Variants in LRCH4 observed in about 807,000 individuals in gnomAD.
The protein encoded by LRCH4 is leucine-rich repeat and calponin homology domain-containing protein 4.
Under a neutral mutation model 81.2 loss-of-function variants are expected in LRCH4, and 56 were observed. The ratio of observed to expected loss-of-function variants is 0.69; its 90% CI spans 0.56 to 0.86. LRCH4 has a LOEUF of 0.86. LRCH4 is among the 40% of genes least tolerant of loss of function. The probability of loss-of-function intolerance (pLI) is 0.00; values close to 1 mark genes in which losing one functional copy is unlikely to be tolerated. For synonymous variants in LRCH4, 442 were observed against 409.7 expected (o/e 1.08, Z -0.95); for missense variants, 895 against 922.8 (o/e 0.97, Z 0.39).
rs546759581 is a variant in LRCH4, at chr7:100,582,844, C to T, written c.221-385G>A. 3.3e-5 allele frequency among the ~76,000 whole-genome samples: 5 copies of T among 152,180 alleles called. No individual in the cohort carries two copies. The highest frequency in any genetic ancestry group is 2.1e-4 in the South Asian group (1 of 4,828). ...CAGTGCTCATGGGAAAACAGTAAGG[C>T]GAGGGGCTGGGGGGCTCCCGGAGGG... On this transcript the variant is annotated intron_variant, in intron 1 of 17. Coordinates refer to ENST00000310300, the MANE Select transcript of LRCH4 (RefSeq NM_002319.5). This position sits in a 1 kb window ranked among gnomAD's most constrained non-coding sequence, Gnocchi z 5.0.
Position 100,574,203 on chromosome 7 carries a change from T to C in LRCH4, c.*904A>G. The C allele has an allele frequency of 5.8e-6, 1 of 171,138 alleles. No individual in the cohort carries two copies. Among genetic ancestry groups the C allele is most frequent in the South Asian group, 9.0e-5 (1 of 11,112 alleles). 10.6% of individuals were successfully genotyped at this position (171,138 alleles called of 1,614,324 possible). A position where few individuals can be genotyped will look rare whatever the true frequency, so the allele number is the denominator to read the frequency against. On this transcript the variant is annotated 3_prime_UTR_variant, in exon 18 of 18. Coordinates refer to ENST00000310300, the MANE Select transcript of LRCH4 (RefSeq NM_002319.5). The stretch of plus-strand genomic sequence containing the variant: ...GAGCGCGGAGCCCAGGCGCGTCTTC[T>C]GCTCCCGGGGTCCCGGGCGGGGTGG...
Position 100,586,109 on chromosome 7 carries a change from G to C in LRCH4, c.-9C>G. 2 of 1,512,584 alleles carry C rather than the reference G, an allele frequency of 1.3e-6. No homozygotes were observed. Among genetic ancestry groups the C allele is most frequent in the Non-Finnish European group, 1.8e-6 (2 of 1,126,062 alleles). 93.7% of individuals were successfully genotyped at this position (1,512,584 alleles called of 1,614,324 possible). A position where few individuals can be genotyped will look rare whatever the true frequency, so the allele number is the denominator to read the frequency against. ...GCTACGGCCGCCGCCATCCGCTCCC[G>C]GCGGCTCCCGCTGCCTGACTGACGG... On this transcript the variant is annotated 5_prime_UTR_variant, in exon 1 of 18. Transcript: ENST00000310300.
intron 1 of LRCH4, chr7:100,584,989 C>G (rs539570723): frequency 2.8e-6 from 1 of 354,486 alleles, no homozygotes; most frequent in East Asian, 7.6e-5. Flanking sequence ...TCACCTGTCA[C>G]AGTTAAGTCC....
Position 100,575,995 on chromosome 7 carries a change from C to T in LRCH4, c.1652G>A (p.Arg551Gln), listed in dbSNP as rs751406236. The T allele has an allele frequency of 1.1e-5, 17 of 1,604,890 alleles. No homozygotes were observed. The highest frequency in any genetic ancestry group is 1.7e-4 in the Middle Eastern group (1 of 6,026). ...GTCCTCAGGCAGGGGCCGCTGCAGC[C>T]GGGACTCAAGGACCTGGCAGTGTAG... ...MTQLRQVLES[R>Q]LQRPLPEDLA... is the part of the protein sequence containing the mutation. Residue 551 changes from arginine (R) to glutamine (Q), a missense_variant, in exon 16 of 18, where the codon CGG becomes CAG. This residue lies in a region of LRCH4 where 529 missense variants were observed against 504.9 expected (regional missense o/e 1.05). Coordinates refer to ENST00000310300, the MANE Select transcript of LRCH4 (RefSeq NM_002319.5). The surrounding 1 kb of genome is among the most constrained non-coding windows in gnomAD (Gnocchi z 5.3).
chr7:100,584,221 T>C (rs1196571706), intron 1 of LRCH4: 1 of 456,416 alleles, frequency 2.2e-6, no homozygotes, highest in African/African-American at 2.0e-5. Context: ...CTGTATGTTT[T>C]TGTCACTTCC....
chr7:100,575,190 A>AG lies in LRCH4; in HGVS notation c.1968dup (p.Ser657LeufsTer45). 5 of 1,613,088 alleles carry AG rather than the reference A, an allele frequency of 3.1e-6. No individual in the cohort carries two copies. The highest frequency in any genetic ancestry group is 1.7e-4 in the Middle Eastern group (1 of 6,022). ...AAGACGACGAAGCCGCCCAGACCAG[A>AG]GGGGGGCCAGAGGGGCGGTAGGGCC... is the stretch of plus-strand genomic sequence containing the variant. On this transcript the variant is annotated frameshift_variant, in exon 18 of 18. Coordinates refer to ENST00000310300, the MANE Select transcript of LRCH4 (RefSeq NM_002319.5). LOFTEE classifies it high-confidence loss of function. The surrounding 1 kb of genome is among the most constrained non-coding windows in gnomAD (Gnocchi z 5.3).
chr7:100,577,641 G>A lies in LRCH4; in HGVS notation c.1116+23C>T, dbSNP rs768588293. 5.6e-6 allele frequency: 9 copies of A among 1,613,150 alleles called. No homozygotes were observed. Among genetic ancestry groups the A allele is most frequent in the Non-Finnish European group, 6.8e-6 (8 of 1,179,946 alleles). On this transcript the variant is annotated intron_variant, in intron 9 of 17. Coordinates refer to ENST00000310300, the MANE Select transcript of LRCH4 (RefSeq NM_002319.5). This position sits in a 1 kb window ranked among gnomAD's most constrained non-coding sequence, Gnocchi z 6.7. ...CCCTCCTCCAGCTCCCCTCCCTTGG[G>A]AGAGGCATAGCTGGGCTCTCACCTC...
At chr7:100,576,481 C>T in intron 14 of LRCH4, 158 bp from the exon 15 acceptor site, 1 of 672,846 alleles carries the variant, frequency 1.5e-6, no homozygotes, top group Non-Finnish European at 2.6e-6. Context: ...CCAGGCTGGT[C>T]TTGAATTCCT....
At chr7:100,585,801 G>A in intron 1 of LRCH4, 80 bp downstream of exon 1, 2 of 1,403,372 alleles carry the variant, frequency 1.4e-6, no homozygotes, top group East Asian at 5.4e-5. Context: ...GGGCGGGCCC[G>A]ACTCCCGGGC....
In LRCH4 at chr7:100,582,072, T is replaced by C. The variant is rs376458621; in HGVS notation, c.461A>G (p.Asp154Gly). The C allele has an allele frequency of 2.7e-5, 44 of 1,611,190 alleles. No individual in the cohort carries two copies. Among genetic ancestry groups the C allele is most frequent in the Non-Finnish European group, 3.7e-5 (44 of 1,179,434 alleles). Residue 154 changes from aspartate (D) to glycine (G), a missense_variant, in exon 3 of 18, where the codon GAC (aspartate) becomes GGC (glycine). Physicochemically the swap from Asp to Gly is moderately conservative, Grantham distance 94. Coordinates refer to ENST00000310300, the MANE Select transcript of LRCH4 (RefSeq NM_002319.5). This position sits in a 1 kb window ranked among gnomAD's most constrained non-coding sequence, Gnocchi z 5.0. ...SNNKLGALPP[D>G]IGTLGSLRQL... ...TCGCAGGCTTCCCAGGGTGCCGATG[T>C]CAGGGGGCAGGGCTCCCAGCTTGTT...
Position 100,577,368 on chromosome 7 carries a change from C to T in LRCH4, c.1200G>A (p.Glu400=), listed in dbSNP as rs776381093. The change falls in exon 11 of 18, where the codon GAG becomes GAA. Residue 400 remains glutamate, a synonymous_variant. Coordinates refer to ENST00000310300, the MANE Select transcript of LRCH4 (RefSeq NM_002319.5). The surrounding 1 kb of genome is among the most constrained non-coding windows in gnomAD (Gnocchi z 6.7). ...PSSRREEPAG[E]ERRRPDTLQL... ...GCAAGGTGTCCGGGCGCCGCCGCTC[C>T]TCCCCTGCCGGCTCCTCCCGCCTGA... 2 of 1,599,832 alleles carry T rather than the reference C, an allele frequency of 1.3e-6. No individual in the cohort carries two copies. Among genetic ancestry groups the T allele is most frequent in the Non-Finnish European group, 8.5e-7 (1 of 1,179,418 alleles).
intron 1 of LRCH4, chr7:100,584,854 AGAG>A: frequency 2.2e-6 from 1 of 447,020 alleles, no homozygotes; most frequent in Non-Finnish European, 4.5e-6. Context: ...CGTGCAGATG[AGAG>A]GAGGAAGAGG....
chr7:100,578,132 A>T lies in LRCH4; in HGVS notation c.948+27T>A. 1.2e-6 allele frequency: 2 copies of T among 1,605,852 alleles called. No homozygotes were observed. The highest frequency in any genetic ancestry group is 1.7e-6 in the Non-Finnish European group (2 of 1,172,540). On this transcript the variant is annotated intron_variant, in intron 7 of 17. Transcript: ENST00000310300. This position sits in a 1 kb window ranked among gnomAD's most constrained non-coding sequence, Gnocchi z 5.7. The stretch of plus-strand genomic sequence containing the variant: ...GTGCTCTCCCAGGGCTGACACCCTC[A>T]ATCACCCATGGACAGGACGCCCTTA...
At position 100,577,770 on chromosome 7, in the gene LRCH4, C is replaced by T. The variant is rs1472319327; in HGVS notation, c.1040-30G>A. The T allele has an allele frequency of 3.7e-6, 6 of 1,613,608 alleles. No individual in the cohort carries two copies. Among genetic ancestry groups the T allele is most frequent in the South Asian group, 1.1e-5 (1 of 91,080 alleles). The stretch of plus-strand genomic sequence containing the variant: ...GGAGGCCAGCATGTCAGCAAGTGAG[C>T]GGGGACCCAGGCCCTGGTCCAGCCC... On this transcript the variant is annotated intron_variant, in intron 8 of 17. Coordinates refer to ENST00000310300, the MANE Select transcript of LRCH4 (RefSeq NM_002319.5). This position sits in a 1 kb window ranked among gnomAD's most constrained non-coding sequence, Gnocchi z 6.7.
chr7:100,580,284 T>C (rs968883248), intron 4 of LRCH4: 4 of 152,104 alleles, frequency 2.6e-5, no homozygotes, highest in African/African-American at 9.7e-5. Flanking sequence ...GGGAACCCCC[T>C]GACGGAACTT....
Position 100,575,939 on chromosome 7 carries a change from G to A in LRCH4, c.1708C>T (p.Leu570=), listed in dbSNP as rs199995742. 1 of 1,611,240 alleles carries A rather than the reference G, an allele frequency of 6.2e-7. No individual in the cohort carries two copies. The highest frequency in any genetic ancestry group is 8.5e-7 in the Non-Finnish European group (1 of 1,179,064). The change falls in exon 16 of 18, where the codon CTG becomes TTG. Residue 570 remains leucine (L), a synonymous_variant. Transcript: ENST00000310300. This position sits in a 1 kb window ranked among gnomAD's most constrained non-coding sequence, Gnocchi z 5.3. ...LAEALASGVI[L]CQLANQLRPR... The stretch of plus-strand genomic sequence containing the variant: ...CGTAGCTGGTTGGCCAGCTGGCACA[G>A]GATGACCCCACTGGCCAGAGCCTCG...
At chr7:100,581,658 T>C in intron 4 of LRCH4, 119 bp downstream of exon 4, 1 of 812,804 alleles carries the variant, frequency 1.2e-6, no homozygotes, top group East Asian at 2.7e-5. Flanking sequence ...TCCAGAACTG[T>C]GAAAAATGAA....
At position 100,577,599 on chromosome 7, in the gene LRCH4, C is replaced by T; in HGVS notation, c.1117-41G>A. The T allele has an allele frequency of 6.2e-7, 1 of 1,611,068 alleles. No individual in the cohort carries two copies. The highest frequency in any genetic ancestry group is 8.5e-7 in the Non-Finnish European group (1 of 1,179,610). On this transcript the variant is annotated intron_variant, in intron 9 of 17. Coordinates refer to ENST00000310300, the MANE Select transcript of LRCH4 (RefSeq NM_002319.5). The surrounding 1 kb of genome is among the most constrained non-coding windows in gnomAD (Gnocchi z 6.7). ...CAGAGCAGCTGAGGGCAGGCCTGTG[C>T]CCACGCCTGCCCTGTCCCCTCCTCC...
chr7:100,581,982 CT>C (rs1418341084), intron 3 of LRCH4, 58 bp downstream of exon 3: 15 of 1,602,194 alleles, frequency 9.4e-6, no homozygotes, highest in South Asian at 2.2e-5. Flanking sequence ...CAACCTCCCC[CT>C]AGAAGGTCCC....
Sources: gnomAD v4.1 joint callset for allele counts (sites outside exome capture counted in the v4.1 genomes callset) on GRCh38, gnomAD v4.1.1 for gene constraint, gnomAD v4.1.1 regional missense constraint, Gnocchi (gnomAD v3.1) non-coding constraint, MANE v1.5 for transcripts, NCBI Gene and HGNC (gene_info 2026-07-23, HGNC 2026-07-21) for gene names.